Variants in STRIP2 observed in about 807,000 individuals in gnomAD.
STRIP2 encodes striatin interacting protein 2.
In STRIP2, 84 loss-of-function variants were observed where a neutral mutation model predicts 107.1. That is an observed-to-expected ratio of 0.78 (90% CI 0.66 to 0.94). The LOEUF (loss-of-function observed/expected upper bound fraction) is 0.94, where lower values mean the gene tolerates loss of function less well. Among genes scored for constraint, STRIP2 ranks in the 40% least tolerant of loss-of-function variants. The pLI is 0.00. For missense variants in STRIP2, 888 were observed against 1,034.2 expected, an observed-to-expected ratio of 0.86 and a Z score of 1.94; for synonymous variants, 394 against 400.4, an observed-to-expected ratio of 0.98 and a Z score of 0.19.
intron 3 of STRIP2, among the ~76,000 whole-genome samples, chr7:129,448,088 G>T (rs942724127): frequency 1.3e-5 from 2 of 152,160 alleles, no homozygotes; most frequent in Non-Finnish European, 2.9e-5. Flanking sequence ...AGCCACTGTG[G>T]GGGTTCTGCC....
At chr7:129,479,274 CA>C (rs10558220) in intron 18 of STRIP2, among the ~76,000 whole-genome samples, 114,205 of 135,796 alleles carry the variant, frequency 0.84, 48,165 homozygotes, top group East Asian at 0.96. Context: ...AACTCTGTCT[CA>C]AAAAAAAAAA....
Position 129,438,632 on chromosome 7 carries a change from C to G in STRIP2, c.130-1390C>G, listed in dbSNP as rs542068307. 5.8e-4 allele frequency among the ~76,000 whole-genome samples: 89 copies of G among 152,254 alleles called. 3 individuals are homozygous for G. In the South Asian group the frequency reaches 0.018, roughly 31 times the overall value. Reference sequence around the variant, plus strand: ...TCAATTCGATTCTGACACTAACTACCTAGAATTAGCACAGACCCCCAAGTT... The same window carrying G: ...TCAATTCGATTCTGACACTAACTACGTAGAATTAGCACAGACCCCCAAGTT... On this transcript the variant is annotated intron_variant, in intron 1 of 20. Coordinates refer to ENST00000249344, the MANE Select transcript of STRIP2 (RefSeq NM_020704.3).
intron 1 of STRIP2, among the ~76,000 whole-genome samples, chr7:129,438,565 A>G (rs1262307306): frequency 6.6e-6 from 1 of 152,164 alleles, no homozygotes; most frequent in Non-Finnish European, 1.5e-5. Flanking sequence ...TGAGCAGGTC[A>G]TTTTCCAACA....
In STRIP2 at chr7:129,486,338, ATTTTAGAG is replaced by A; in HGVS notation, c.*510_*517del. 1 of 159,730 alleles carries A rather than the reference ATTTTAGAG, an allele frequency of 6.3e-6. No homozygotes were observed. The highest frequency in any genetic ancestry group is 1.8e-4 in the South Asian group (1 of 5,688). 9.9% of individuals were successfully genotyped at this position (159,730 alleles called of 1,614,324 possible). Reference sequence around the variant, plus strand: ...TTCTGAAATCATTAGCTCTAAGATTATTTTAGAGCACCTGCACCTTCTTTGTGAAGGAT... The same window carrying A: ...TTCTGAAATCATTAGCTCTAAGATTACACCTGCACCTTCTTTGTGAAGGAT... On this transcript the variant is annotated 3_prime_UTR_variant, in exon 21 of 21. Coordinates refer to ENST00000249344, the MANE Select transcript of STRIP2 (RefSeq NM_020704.3).
At chr7:129,467,248 C>T in intron 16 of STRIP2, 102 bp from the exon 17 acceptor site, 2 of 837,876 alleles carry the variant, frequency 2.4e-6, no homozygotes, top group Non-Finnish European at 3.9e-6. Flanking sequence ...AGTAGATATT[C>T]TCAGGAATGG....
Position 129,458,178 on chromosome 7 carries a change from A to G in STRIP2, c.1039-37A>G. The G allele has an allele frequency of 6.5e-7, 1 of 1,546,506 alleles. No homozygotes were observed. The highest frequency in any genetic ancestry group is 8.9e-7 in the Non-Finnish European group (1 of 1,120,536). On this transcript the variant is annotated intron_variant, in intron 9 of 20. Transcript: ENST00000249344. This position sits in a 1 kb window ranked among gnomAD's most constrained non-coding sequence, Gnocchi z 4.6. ...CTCAGACAAGGATGCCCAGAGTGAG[A>G]TCTCTGCATGCCTACCCTCCCTTCT...
chr7:129,456,150 CT>C (rs921473176), intron 8 of STRIP2, among the ~76,000 whole-genome samples: 4 of 76,746 alleles, frequency 5.2e-5, no homozygotes, highest in African/African-American at 1.1e-4. Context: ...TCTTTTTTTT[CT>C]TTTTTTTTTT....
At chr7:129,485,510 C>T (rs1256940821) in intron 20 of STRIP2, 69 bp from the exon 21 acceptor site, 8 of 1,563,330 alleles carry the variant, frequency 5.1e-6, no homozygotes, top group African/African-American at 1.4e-5. Flanking sequence ...ATCCCATAGA[C>T]CATGCTCTGT....
chr7:129,482,762 T>A, intron 19 of STRIP2, 80 bp from the exon 20 acceptor site: 1 of 1,533,796 alleles, frequency 6.5e-7, no homozygotes, highest in Admixed American at 1.7e-5. Flanking sequence ...TGAGGCTAGC[T>A]AGGTTTGGTT....
At chr7:129,453,184 A>G in intron 4 of STRIP2, 43 bp from the exon 5 acceptor site, 2 of 1,611,710 alleles carry the variant, frequency 1.2e-6, no homozygotes, top group Non-Finnish European at 1.7e-6. Flanking sequence ...GAACTGGGAT[A>G]CTGCCACCCC....
chr7:129,453,399 G>A, intron 5 of STRIP2, 52 bp downstream of exon 5: 3 of 1,608,510 alleles, frequency 1.9e-6, no homozygotes, highest in Non-Finnish European at 2.5e-6. Context: ...TTCCTTAAAG[G>A]GGCCTCATGT....
Position 129,460,343 on chromosome 7 carries a change from G to A in STRIP2, c.1447G>A (p.Glu483Lys). The change falls in exon 13 of 21, where the codon GAG becomes AAG. Residue 483 changes from glutamate to lysine, a missense_variant. Glu to Lys is a moderately conservative substitution (Grantham distance 56). Coordinates refer to ENST00000249344, the MANE Select transcript of STRIP2 (RefSeq NM_020704.3). ...SIADVQIKNE[E>K]ELEKCPMSLG... ...CGCAGATGTGCAGATCAAGAATGAA[G>A]AGGAGCTGGAGAAGTGCCCTATGTC... The A allele has an allele frequency of 6.2e-7, 1 of 1,614,024 alleles. No homozygotes were observed. The highest frequency in any genetic ancestry group is 1.7e-4 in the Middle Eastern group (1 of 6,060).
rs1400536924 is a variant in STRIP2, at chr7:129,451,515, G to T, written c.275-98G>T. 4.9e-6 allele frequency: 7 copies of T among 1,430,224 alleles called. No individual in the cohort carries two copies. In the East Asian group the frequency reaches 1.4e-4, roughly 28 times the overall value. The allele number at this position is 1,430,224 out of a possible 1,614,324, so 88.6% of individuals were successfully genotyped here. A position where few individuals can be genotyped will look rare whatever the true frequency, so the allele number is the denominator to read the frequency against. On this transcript the variant is annotated intron_variant, in intron 3 of 20. Transcript: ENST00000249344. ...AAAGCTTTTGGAGAAAATAATTTTG[G>T]CAGGGGAGCTGAGATCAGAGGTGGA...
At chr7:129,481,757 G>A (rs1011249521) in intron 19 of STRIP2, among the ~76,000 whole-genome samples, 2 of 151,690 alleles carry the variant, frequency 1.3e-5, no homozygotes, top group African/African-American at 4.8e-5. Flanking sequence ...ATTAAAAAAA[G>A]TAAAAGAATG....
At chr7:129,443,041 CTT>C (rs35651639) in intron 2 of STRIP2, among the ~76,000 whole-genome samples, 19 of 141,462 alleles carry the variant, frequency 1.3e-4, no homozygotes, top group Admixed American at 2.8e-4. Flanking sequence ...TTCTTTCTTT[CTT>C]TTTTTTTTTT....
In STRIP2 at chr7:129,448,059, C is replaced by G. The variant is rs192051178; in HGVS notation, c.275-3554C>G. Among the ~76,000 whole-genome samples, 351 of 152,304 alleles carry G rather than the reference C, an allele frequency of 2.3e-3. 1 individual carries two copies. Among genetic ancestry groups the G allele is most frequent in the Middle Eastern group, 0.014 (4 of 294 alleles). Reference sequence around the variant, plus strand: ...TTTGTCCTTTCCCACCATAGTAACGCTCACCCTACCAGTCAGGGAGCCACT... The same window carrying G: ...TTTGTCCTTTCCCACCATAGTAACGGTCACCCTACCAGTCAGGGAGCCACT... On this transcript the variant is annotated intron_variant, in intron 3 of 20. Transcript: ENST00000249344.
chr7:129,471,888 G>C (rs186657517), intron 18 of STRIP2, among the ~76,000 whole-genome samples: 1 of 152,256 alleles, frequency 6.6e-6, no homozygotes, highest in African/African-American at 2.4e-5. Flanking sequence ...AGCAGCCAAA[G>C]AAGTTGGAAG....
At chr7:129,476,795 T>C (rs1034826437) in intron 18 of STRIP2, among the ~76,000 whole-genome samples, 1 of 152,052 alleles carries the variant, frequency 6.6e-6, no homozygotes, top group Admixed American at 6.5e-5. Flanking sequence ...GAGGCTGCAA[T>C]CTCGGCACTT....
chr7:129,478,597 C>T (rs1213735718), intron 18 of STRIP2, among the ~76,000 whole-genome samples: 2 of 152,120 alleles, frequency 1.3e-5, no homozygotes, highest in Non-Finnish European at 2.9e-5. Context: ...TACATACTTG[C>T]AATACAATAT....
Sources: allele counts gnomAD v4.1 joint callset (sites outside exome capture counted in the v4.1 genomes callset), GRCh38; gene constraint gnomAD v4.1.1; non-coding constraint Gnocchi (gnomAD v3.1); transcripts MANE v1.5; gene names NCBI Gene and HGNC (gene_info 2026-07-23, HGNC 2026-07-21).